EYS: variants seen among roughly 807,000 people sequenced by gnomAD.
The protein encoded by EYS is EGF-like photoreceptor maintenance factor, also known as protein eyes shut homolog.
In EYS, 250 loss-of-function variants were observed where a neutral mutation model predicts 282.1. That is an observed-to-expected ratio of 0.89 (90% confidence interval 0.80 to 0.98). EYS has a LOEUF of 0.98. EYS is among the 50% of genes least tolerant of loss of function. The probability of loss-of-function intolerance (pLI) is 0.00; values close to 1 mark genes in which losing one functional copy is unlikely to be tolerated. For missense variants in EYS, 4,016 were observed against 3,709.0 expected, an observed-to-expected ratio of 1.08 and a Z score of -2.15; for synonymous variants, 1,355 against 1,282.9, an observed-to-expected ratio of 1.06 and a Z score of -1.20.
chr6:63,908,034 G>A (rs1235106583), intron 35 of EYS, among the ~76,000 whole-genome samples: 3 of 43,256 alleles, frequency 6.9e-5, no homozygotes, highest in Admixed American at 2.5e-4. Context: ...ATATATATAC[G>A]TTTGTGTGTG....
chr6:65,428,237 T>C (rs1227495649), intron 5 of EYS, among the ~76,000 whole-genome samples: 2 of 152,112 alleles, frequency 1.3e-5, no homozygotes, highest in Non-Finnish European at 2.9e-5. Flanking sequence ...TGAAAATTTA[T>C]TCTAAAATAC....
At chr6:64,189,723 A>G (rs1160608592) in intron 31 of EYS, among the ~76,000 whole-genome samples, 1 of 152,190 alleles carries the variant, frequency 6.6e-6, no homozygotes, top group Non-Finnish European at 1.5e-5. Context: ...CCTTCAGACT[A>G]TAGCATTAAC....
intron 29 of EYS, among the ~76,000 whole-genome samples, chr6:64,343,103 A>T (rs949614424): frequency 6.6e-6 from 1 of 152,144 alleles, no homozygotes; most frequent in African/African-American, 2.4e-5. Context: ...ACACAATAAT[A>T]ATGGGAGACT....
At chr6:65,618,423 G>C (rs1488531122) in intron 2 of EYS, among the ~76,000 whole-genome samples, 3 of 152,200 alleles carry the variant, frequency 2.0e-5, no homozygotes, top group African/African-American at 7.2e-5. Context: ...TTGTATATTT[G>C]TTTGAGTTCA....
At chr6:65,514,049 C>T (rs1183737658) in intron 2 of EYS, among the ~76,000 whole-genome samples, 2 of 151,992 alleles carry the variant, frequency 1.3e-5, no homozygotes, top group Non-Finnish European at 2.9e-5. Flanking sequence ...ACCCCATTGT[C>T]TCAGCCCAAA....
At chr6:64,901,886 C>A (rs1016437268) in intron 18 of EYS, among the ~76,000 whole-genome samples, 4 of 152,250 alleles carry the variant, frequency 2.6e-5, no homozygotes, top group African/African-American at 9.6e-5. Flanking sequence ...GCATTTTGCT[C>A]AGGCACACAT....
chr6:63,811,788 T>A (rs1562037971), intron 36 of EYS, among the ~76,000 whole-genome samples: 1 of 152,288 alleles, frequency 6.6e-6, no homozygotes, highest in East Asian at 1.9e-4. Context: ...TCAAATCTGT[T>A]TCCCAGCCTT....
chr6:63,795,366 A>T (rs1027602526), intron 37 of EYS, among the ~76,000 whole-genome samples: 15 of 152,196 alleles, frequency 9.9e-5, no homozygotes, highest in African/African-American at 3.4e-4. Flanking sequence ...GAATGATGAT[A>T]AAACATGGAA....
intron 39 of EYS, among the ~76,000 whole-genome samples, chr6:63,781,175 C>G (rs182698175): frequency 3.3e-5 from 5 of 152,204 alleles, no homozygotes; most frequent in Admixed American, 3.3e-4. Context: ...TTTGAAGTCA[C>G]GTAGCGTGAT....
intron 2 of EYS, among the ~76,000 whole-genome samples, chr6:65,548,415 T>G (rs537011968): frequency 6.6e-6 from 1 of 152,314 alleles, no homozygotes; most frequent in African/African-American, 2.4e-5. Flanking sequence ...TGTCAAAGCT[T>G]TTAATAACTG....
intron 40 of EYS, among the ~76,000 whole-genome samples, chr6:63,774,237 C>T (rs1262543154): frequency 6.6e-5 from 10 of 151,732 alleles, no homozygotes; most frequent in Admixed American, 2.0e-4. Context: ...GGTGCGATCT[C>T]AGCTCTCTGC....
At position 64,618,591 on chromosome 6, in the gene EYS, A is replaced by C. The variant is rs114513268; in HGVS notation, c.3569-1058T>G. On this transcript the variant is annotated intron_variant, in intron 23 of 42. Coordinates refer to ENST00000503581, the MANE Select transcript of EYS (RefSeq NM_001142800.2). ...TGTTCTTCCCTGATAAATTGTAACA[A>C]AACAATTAAATACATATTTTGAGGT... Among the ~76,000 whole-genome samples, 1,130 of 152,294 alleles carry C rather than the reference A, an allele frequency of 7.4e-3. 20 individuals are homozygous for C. The highest frequency in any genetic ancestry group is 0.026 in the African/African-American group (1,073 of 41,564).
At chr6:65,582,178 AGAGT>A (rs1425426098) in intron 2 of EYS, among the ~76,000 whole-genome samples, 5 of 148,522 alleles carry the variant, frequency 3.4e-5, no homozygotes, top group Non-Finnish European at 7.4e-5. Flanking sequence ...CCTGGTCGAC[AGAGT>A]GAGACTCCAT....
intron 19 of EYS, among the ~76,000 whole-genome samples, chr6:64,867,261 T>G (rs578079887): frequency 1.3e-5 from 2 of 151,862 alleles, no homozygotes; most frequent in African/African-American, 4.8e-5. Flanking sequence ...TACAGATGAA[T>G]TATGTTTCAG....
At chr6:64,532,529 G>A (rs1764382883) in intron 26 of EYS, among the ~76,000 whole-genome samples, 1 of 152,014 alleles carries the variant, frequency 6.6e-6, no homozygotes, top group Non-Finnish European at 1.5e-5. Flanking sequence ...CTAACATGGT[G>A]AAACCCCGTC....
At chr6:65,067,540 T>C (rs1340484666) in intron 12 of EYS, among the ~76,000 whole-genome samples, 1 of 152,042 alleles carries the variant, frequency 6.6e-6, no homozygotes, top group African/African-American at 2.4e-5. Flanking sequence ...GTGTATCAGT[T>C]GGGGGTCCAG....
chr6:65,503,886 CAG>C (rs1277220456), intron 2 of EYS, among the ~76,000 whole-genome samples: 2 of 151,596 alleles, frequency 1.3e-5, no homozygotes, highest in African/African-American at 4.8e-5. Context: ...TGAAATAAGG[CAG>C]AGTGTATTCT....
chr6:65,522,517 T>G (rs1767410161), intron 2 of EYS, among the ~76,000 whole-genome samples: 1 of 152,140 alleles, frequency 6.6e-6, no homozygotes, highest in African/African-American at 2.4e-5. Flanking sequence ...GGGTTGTTTG[T>G]TTTTGAGAGA....
intron 26 of EYS, among the ~76,000 whole-genome samples, chr6:64,487,159 G>A (rs983940346): frequency 1.3e-5 from 2 of 151,090 alleles, no homozygotes; most frequent in Non-Finnish European, 1.5e-5. Flanking sequence ...TTAATCAAGA[G>A]AGACAGTTTG....
Sources: allele counts gnomAD v4.1 joint callset (sites outside exome capture counted in the v4.1 genomes callset), GRCh38; gene constraint gnomAD v4.1.1; transcripts MANE v1.5; gene names NCBI Gene and HGNC (gene_info 2026-07-23, HGNC 2026-07-21).